Variants in LRP2 observed in about 807,000 individuals in gnomAD.
The protein encoded by LRP2 is LDL receptor related protein 2.
In LRP2, 172 loss-of-function variants were observed where a neutral mutation model predicts 531.0. The ratio of observed to expected loss-of-function variants is 0.32; its 90% CI spans 0.29 to 0.37. LRP2 has a LOEUF of 0.37. Ranked by LOEUF, LRP2 falls within the 10% of genes least tolerant of loss-of-function variation. The pLI, the probability that LRP2 is intolerant of heterozygous loss-of-function variation, is 1.00. For missense variants in LRP2, 5,167 were observed against 5,868.3 expected (o/e 0.88, Z 3.90); for synonymous variants, 1,992 against 2,027.6 (o/e 0.98, Z 0.47).
rs1441998239 is a variant in LRP2, at chr2:169,256,139, T to A, written c.2737A>T (p.Met913Leu). 1 of 1,613,096 alleles carries A rather than the reference T, an allele frequency of 6.2e-7. No homozygotes were observed. Among genetic ancestry groups the A allele is most frequent in the Admixed American group, 1.7e-5 (1 of 59,940 alleles). Residue 913 changes from methionine (M) to leucine (L), a missense_variant, in exon 19 of 79, where the codon ATG becomes TTG. Transcript: ENST00000649046. The stretch of plus-strand genomic sequence containing the variant: ...ATGGCAAGTCCAAACGGATGTGTCA[T>A]CTGCTCTATATGGCCCAGTCTTCTT... The part of the protein sequence containing the change: ...DRRRLGHIEQ[M>L]THPFGLAIFG...
At chr2:169,151,077 T>C (rs1358061901) in intron 67 of LRP2, 51 bp from the exon 68 acceptor site, 1 of 1,602,716 alleles carries the variant, frequency 6.2e-7, no homozygotes, top group Non-Finnish European at 8.5e-7. Flanking sequence ...GAGTAATCAT[T>C]ACTGGGTAAG....
intron 15 of LRP2, chr2:169,271,611 GCACACA>G (rs55672417): frequency 0.051 from 11,913 of 233,918 alleles, 491 homozygotes; most frequent in Admixed American, 0.17. Context: ...GGCAAAACAT[GCACACA>G]CACACACACA....
chr2:169,176,618 A>C (rs1184895788), intron 53 of LRP2, 30 bp from the exon 54 acceptor site: 1 of 1,601,752 alleles, frequency 6.2e-7, no homozygotes, highest in South Asian at 1.1e-5. Flanking sequence ...ATATGTGTTC[A>C]TTTGCTGAAA....
chr2:169,168,708 A>T, intron 60 of LRP2, 32 bp from the exon 61 acceptor site: 1 of 1,612,374 alleles, frequency 6.2e-7, no homozygotes, highest in Middle Eastern at 1.7e-4. Flanking sequence ...TATTCAAATT[A>T]TTATACAAAT....
Position 169,205,561 on chromosome 2 carries a change from T to G in LRP2, c.7633A>C (p.Ile2545Leu), listed in dbSNP as rs1333175216. 6.2e-7 allele frequency: 1 copy of G among 1,613,990 alleles called. No homozygotes were observed. The highest frequency in any genetic ancestry group is 8.5e-7 in the Non-Finnish European group (1 of 1,180,000). ...ATLGGNFRVPIVNSSLVMPSG... is the reference protein window; with the variant it reads ...ATLGGNFRVPLVNSSLVMPSG... ...GGCATGACCAGACTGCTGTTCACAA[T>G]GGGTACGCGGAAGTTTCCTCCCAAT... The change falls in exon 41 of 79, where the codon ATT becomes CTT. Residue 2545 changes from isoleucine to leucine, a missense_variant. By Grantham distance (5) the Ile-to-Leu change is conservative. This residue lies in a region of LRP2 where 1,129 missense variants were observed against 1,362.7 expected (regional missense o/e 0.83). Transcript: ENST00000649046.
At chr2:169,340,491 G>T (rs1685534435) in intron 1 of LRP2, among the ~76,000 whole-genome samples, 1 of 152,170 alleles carries the variant, frequency 6.6e-6, no homozygotes, top group Non-Finnish European at 1.5e-5. Flanking sequence ...CTTAATCGAT[G>T]AGATCAAATG....
chr2:169,243,054 G>A lies in LRP2; in HGVS notation c.3569C>T (p.Ser1190Phe), dbSNP rs1574172146. The change falls in exon 24 of 79, where the codon TCT becomes TTT. Residue 1190 changes from serine (S) to phenylalanine (F), a missense_variant. This residue lies in a region of LRP2 where 2,811 missense variants were observed against 3,058.0 expected (regional missense o/e 0.92). Transcript: ENST00000649046. ...ATCCCCACTGGCACACTTGAATTGA[G>A]AAGCAGTACAGTTTAATACTAAGAA... ...EVGCVLNCTA[S>F]QFKCASGDKC... 7.4e-6 allele frequency: 12 copies of A among 1,613,240 alleles called. No homozygotes were observed. Among genetic ancestry groups the A allele is most frequent in the East Asian group, 2.2e-5 (1 of 44,866 alleles).
chr2:169,316,541 A>T (rs1027520135), intron 3 of LRP2, among the ~76,000 whole-genome samples: 8 of 152,182 alleles, frequency 5.3e-5, no homozygotes, highest in African/African-American at 1.9e-4. Context: ...ATAAAGATAA[A>T]ATATGTAGAC....
intron 1 of LRP2, among the ~76,000 whole-genome samples, chr2:169,356,350 G>A (rs1056006588): frequency 2.0e-5 from 3 of 152,118 alleles, no homozygotes; most frequent in African/African-American, 4.8e-5. Flanking sequence ...TCAGACCCAC[G>A]GTAAAGAAGA....
At position 169,209,635 on chromosome 2, in the gene LRP2, T is replaced by C. The variant is rs1688524348; in HGVS notation, c.6287A>G (p.Asn2096Ser). Residue 2096 changes from asparagine (N) to serine (S), a missense_variant, in exon 38 of 79, where the codon AAC (asparagine) becomes AGC (serine). Physicochemically the swap from Asn to Ser is conservative, Grantham distance 46. Transcript: ENST00000649046. The stretch of plus-strand genomic sequence containing the variant: ...CACATCCACATCCACATGCAGTGCG[T>C]TTCGTCCTGGAAGTTAAGAAAAGAT... ...TMVPVAGQGR[N>S]ALHVDVDVSS... 2 of 1,613,992 alleles carry C rather than the reference T, an allele frequency of 1.2e-6. No individual in the cohort carries two copies. The highest frequency in any genetic ancestry group is 1.7e-6 in the Non-Finnish European group (2 of 1,179,950).
Position 169,144,115 on chromosome 2 carries a change from T to C in LRP2, c.12989-1322A>G, listed in dbSNP as rs543384841. ...CCAGCTCCCATAAGGATCCCAAGAC[T>C]CCTGGCCCATGGCCCACACTCTGAG... is the stretch of plus-strand genomic sequence containing the variant. On this transcript the variant is annotated intron_variant, in intron 70 of 78. Coordinates refer to ENST00000649046, the MANE Select transcript of LRP2 (RefSeq NM_004525.3). 2.0e-5 allele frequency among the ~76,000 whole-genome samples: 3 copies of C among 152,270 alleles called. No homozygotes were observed. The East Asian group carries it at 5.8e-4, about 29-fold the overall frequency.
intron 9 of LRP2, among the ~76,000 whole-genome samples, chr2:169,284,827 CAAACCCCCAG>C (rs929486664): frequency 2.6e-5 from 4 of 152,170 alleles, no homozygotes; most frequent in Non-Finnish European, 4.4e-5. Flanking sequence ...CATTCTCCCT[CAAACCCCCAG>C]AATGTCATAA....
intron 1 of LRP2, among the ~76,000 whole-genome samples, chr2:169,357,174 T>A (rs1415367146): frequency 2.0e-5 from 3 of 151,952 alleles, no homozygotes; most frequent in Non-Finnish European, 4.4e-5. Flanking sequence ...CAATTAGTAT[T>A]TTTTTAGTTG....
intron 4 of LRP2, among the ~76,000 whole-genome samples, chr2:169,300,809 A>G (rs577489601): frequency 6.6e-6 from 1 of 152,200 alleles, no homozygotes; most frequent in Admixed American, 6.5e-5. Flanking sequence ...GAGAGAGAAT[A>G]GCAAGGGCAA....
At chr2:169,151,132 C>T in intron 67 of LRP2, 106 bp from the exon 68 acceptor site, 2 of 1,118,004 alleles carry the variant, frequency 1.8e-6, no homozygotes, top group Admixed American at 1.7e-5. Flanking sequence ...GAGACAGCTG[C>T]TCAGATACCT....
At chr2:169,293,175 T>G (rs1684044179) in intron 6 of LRP2, among the ~76,000 whole-genome samples, 1 of 152,138 alleles carries the variant, frequency 6.6e-6, no homozygotes, top group Non-Finnish European at 1.5e-5. Context: ...AATCATACAT[T>G]CTAGTAAATA....
Position 169,325,428 on chromosome 2 carries a change from T to C in LRP2, c.80-4544A>G, listed in dbSNP as rs568952431. 2.6e-5 allele frequency among the ~76,000 whole-genome samples: 4 copies of C among 152,346 alleles called. No individual in the cohort carries two copies. The East Asian group carries it at 7.7e-4, about 29-fold the overall frequency. On this transcript the variant is annotated intron_variant, in intron 1 of 78. Transcript: ENST00000649046. ...TCCTTAACTTATCCATAATTTTTGC[T>C]TCACTTTTTCTATACTTAATTTTGA...
At chr2:169,132,785 C>T in intron 76 of LRP2, 104 bp from the exon 77 acceptor site, 2 of 724,788 alleles carry the variant, frequency 2.8e-6, no homozygotes, top group Non-Finnish European at 5.1e-6. Context: ...CCATCTTGTT[C>T]TCCCACAGAC....
At position 169,139,620 on chromosome 2, in the gene LRP2, A is replaced by C; in HGVS notation, c.13200-10T>G. ...GTAGCCGCTAGGACACCTGAAAGGA[A>C]AAAGCAAATCATTCACTAGCTGTTA... On this transcript the variant is annotated splice_polypyrimidine_tract_variant and intron_variant, in intron 72 of 78. Coordinates refer to ENST00000649046, the MANE Select transcript of LRP2 (RefSeq NM_004525.3). 6.2e-7 allele frequency: 1 copy of C among 1,613,968 alleles called. No homozygotes were observed. Among genetic ancestry groups the C allele is most frequent in the East Asian group, 2.2e-5 (1 of 44,890 alleles).
Sources: gnomAD v4.1 joint callset for allele counts (sites outside exome capture counted in the v4.1 genomes callset) on GRCh38, gnomAD v4.1.1 for gene constraint, gnomAD v4.1.1 regional missense constraint, MANE v1.5 for transcripts, NCBI Gene and HGNC (gene_info 2026-07-23, HGNC 2026-07-21) for gene names.